ZNG1E: variants seen among roughly 807,000 people sequenced by gnomAD.
The protein encoded by ZNG1E is zinc-regulated GTPase metalloprotein activator 1E.
the ZNG1E span, among the ~76,000 whole-genome samples, chr9:65,686,425 A>AG: frequency 1.3e-5 from 2 of 152,256 alleles, no homozygotes; most frequent in Non-Finnish European, 2.9e-5. Context: ...TCACGAGTTC[A>AG]GGAGTTCAAG....
At chr9:65,717,477 T>C in the ZNG1E span, among the ~76,000 whole-genome samples, 1 of 149,182 alleles carries the variant, frequency 6.7e-6, no homozygotes, top group Non-Finnish European at 1.5e-5. Flanking sequence ...ATCCTTTTCT[T>C]CTTTTTACTT....
chr9:65,680,858 G>A, the ZNG1E span, among the ~76,000 whole-genome samples: 2 of 152,112 alleles, frequency 1.3e-5, no homozygotes, highest in East Asian at 1.9e-4. Context: ...GCACAGTCTC[G>A]GGTCACTGCA....
chr9:65,721,422 T>G, the ZNG1E span, among the ~76,000 whole-genome samples: 2 of 146,076 alleles, frequency 1.4e-5, no homozygotes, highest in African/African-American at 2.7e-5. Flanking sequence ...GATTGGGACT[T>G]GGGTATGTGT....
At chr9:65,672,936 C>T in the ZNG1E span, among the ~76,000 whole-genome samples, 94 of 70,150 alleles carry the variant, frequency 1.3e-3, no homozygotes, top group East Asian at 0.023. Flanking sequence ...GTGCCTAAGG[C>T]CAGAACTTGA....
chr9:65,659,494 C>CAAAAAAA, the ZNG1E span, among the ~76,000 whole-genome samples: 22 of 113,946 alleles, frequency 1.9e-4, no homozygotes, highest in African/African-American at 6.7e-4. Flanking sequence ...GACTCCGTCT[C>CAAAAAAA]AAAAAAAAAA....
At chr9:65,660,884 A>T in the ZNG1E span, among the ~76,000 whole-genome samples, 3 of 146,344 alleles carry the variant, frequency 2.0e-5, no homozygotes, top group Non-Finnish European at 3.0e-5. Context: ...AAATAAATAC[A>T]TAAACAAACT....
the ZNG1E span, among the ~76,000 whole-genome samples, chr9:65,681,162 T>G: frequency 2.0e-5 from 3 of 151,904 alleles, no homozygotes; most frequent in African/African-American, 4.8e-5. Flanking sequence ...AGAAACAATT[T>G]AGAAGAAGAA....
the ZNG1E span, among the ~76,000 whole-genome samples, chr9:65,681,269 C>T: frequency 1.3e-5 from 2 of 151,876 alleles, no homozygotes; most frequent in Non-Finnish European, 2.9e-5. Flanking sequence ...AAAGTTTACC[C>T]TGGACAAGAA....
chr9:65,684,554 A>ACGCACG, the ZNG1E span, among the ~76,000 whole-genome samples: 65 of 145,038 alleles, frequency 4.5e-4, no homozygotes, highest in African/African-American at 8.4e-4. Flanking sequence ...ACGCACGCAC[A>ACGCACG]CACACACACA....
the ZNG1E span, among the ~76,000 whole-genome samples, chr9:65,727,368 A>G: frequency 1.5e-3 from 221 of 146,440 alleles, 23 homozygotes; most frequent in African/African-American, 5.6e-3. Flanking sequence ...CAGGCAACAA[A>G]TAGCATGATG....
At chr9:65,710,047 T>TA in the ZNG1E span, among the ~76,000 whole-genome samples, 1 of 146,846 alleles carries the variant, frequency 6.8e-6, no homozygotes, top group African/African-American at 2.7e-5. Context: ...ATTGCCATTC[T>TA]AACTGGTGTG....
At chr9:65,693,569 T>G in the ZNG1E span, 1 of 1,162,238 alleles carries the variant, frequency 8.6e-7, no homozygotes. Flanking sequence ...TTTTTTTTTT[T>G]TTTTTTGAGA....
the ZNG1E span, among the ~76,000 whole-genome samples, chr9:65,709,585 G>A: frequency 7.5e-6 from 1 of 132,492 alleles, no homozygotes; most frequent in Admixed American, 7.8e-5. Context: ...TCCCACCTAT[G>A]AGTGAGAATA....
At chr9:65,697,424 C>T in the ZNG1E span, among the ~76,000 whole-genome samples, 1 of 84,782 alleles carries the variant, frequency 1.2e-5, no homozygotes, top group African/African-American at 4.0e-5. Context: ...AATATAGTAT[C>T]CTGTGATGAT....
chr9:65,714,361 A>G, the ZNG1E span, among the ~76,000 whole-genome samples: 1 of 151,590 alleles, frequency 6.6e-6, no homozygotes, highest in African/African-American at 2.4e-5. Flanking sequence ...CAGCTCGTCA[A>G]AGTCATTCTC....
the ZNG1E span, among the ~76,000 whole-genome samples, chr9:65,667,344 G>A: frequency 2.0e-5 from 3 of 152,234 alleles, no homozygotes. Flanking sequence ...TCCAAAATAT[G>A]AGTTTGCTAT....
chr9:65,674,311 A>G, the ZNG1E span, among the ~76,000 whole-genome samples: 45 of 152,084 alleles, frequency 3.0e-4, no homozygotes, highest in South Asian at 3.4e-3. Context: ...AAAAGGCGTG[A>G]TAAATACTTT....
At chr9:65,671,567 G>A in the ZNG1E span, among the ~76,000 whole-genome samples, 2,423 of 148,970 alleles carry the variant, frequency 0.016, 1 homozygote, top group Non-Finnish European at 0.024. Flanking sequence ...TGATCCACCC[G>A]CCCTGGCTTT....
chr9:65,674,373 T>C, the ZNG1E span, among the ~76,000 whole-genome samples: 1 of 152,300 alleles, frequency 6.6e-6, no homozygotes, highest in African/African-American at 2.4e-5. Context: ...CAGTATATTT[T>C]ATGGGGAATT....
Sources: gnomAD v4.1 joint callset for allele counts (sites outside exome capture counted in the v4.1 genomes callset) on GRCh38, gnomAD v4.1.1 for gene constraint, MANE v1.5 for transcripts, NCBI Gene and HGNC (gene_info 2026-07-23, HGNC 2026-07-21) for gene names.